TENM4: variants seen among roughly 807,000 people sequenced by gnomAD.
TENM4 encodes the protein teneurin transmembrane protein 4.
Under a neutral mutation model 243.3 loss-of-function variants are expected in TENM4, and 82 were observed. The observed-to-expected ratio is 0.34, with a 90% CI of 0.28 to 0.40. The LOEUF is 0.40. Ranked by LOEUF, TENM4 falls within the 10% of genes least tolerant of loss-of-function variation. TENM4 has a pLI of 1.00. For synonymous variants in TENM4, 1,412 were observed against 1,456.3 expected, an observed-to-expected ratio of 0.97 and a Z score of 0.69; for missense variants, 3,138 against 3,673.3, an observed-to-expected ratio of 0.85 and a Z score of 3.77.
intron 4 of TENM4, among the ~76,000 whole-genome samples, chr11:79,123,599 CTTTT>C (rs35553883): frequency 7.0e-6 from 1 of 143,750 alleles, no homozygotes. Flanking sequence ...GCAGTAGCCC[CTTTT>C]TTTTTTTTTT....
intron 6 of TENM4, among the ~76,000 whole-genome samples, chr11:78,994,807 A>G (rs1858131289): frequency 6.6e-6 from 1 of 152,216 alleles, no homozygotes; most frequent in Non-Finnish European, 1.5e-5. Context: ...TTTTGTGGTG[A>G]ATAAGACAAA....
At chr11:79,164,558 ATATATAC>A (rs1426615508) in intron 3 of TENM4, among the ~76,000 whole-genome samples, 18 of 143,612 alleles carry the variant, frequency 1.3e-4, no homozygotes, top group African/African-American at 4.4e-4. Flanking sequence ...TCTATATACT[ATATATAC>A]TATATACTAT....
At chr11:79,010,902 G>T (rs939310951) in intron 6 of TENM4, among the ~76,000 whole-genome samples, 1 of 152,160 alleles carries the variant, frequency 6.6e-6, no homozygotes, top group Non-Finnish European at 1.5e-5. Flanking sequence ...AAGAAGACAG[G>T]CTTTAGAGTC....
intron 3 of TENM4, among the ~76,000 whole-genome samples, chr11:79,166,813 A>C (rs1262431577): frequency 6.6e-6 from 1 of 152,232 alleles, no homozygotes; most frequent in Non-Finnish European, 1.5e-5. Flanking sequence ...TTTGCCAGGC[A>C]GAAAACAGCT....
At position 78,899,558 on chromosome 11, in the gene TENM4, G is replaced by A. The variant is rs1285626385; in HGVS notation, c.749+3710C>T. 8.5e-3 allele frequency among the ~76,000 whole-genome samples: 845 copies of A among 99,982 alleles called. 14 individuals are homozygous for A. The highest frequency in any genetic ancestry group is 0.04 in the African/African-American group (828 of 20,496). 65.6% of individuals were successfully genotyped at this position (99,982 alleles called of 152,430 possible). ...ATGCCACTGCACTCTGTCTCAAAAA[G>A]CGGGGGGGGGGGGAAAAAGAAAAAA... On this transcript the variant is annotated intron_variant, in intron 7 of 33. Coordinates refer to ENST00000278550, the MANE Select transcript of TENM4 (RefSeq NM_001098816.3).
At chr11:78,955,743 C>G (rs182610137) in intron 6 of TENM4, among the ~76,000 whole-genome samples, 11 of 152,100 alleles carry the variant, frequency 7.2e-5, no homozygotes, top group African/African-American at 2.4e-4. Flanking sequence ...CAGGAAGAAG[C>G]CTTACCTCCT....
At chr11:79,433,983 C>T (rs549111845) in intron 1 of TENM4, among the ~76,000 whole-genome samples, 2 of 152,308 alleles carry the variant, frequency 1.3e-5, no homozygotes, top group African/African-American at 4.8e-5. Context: ...CCTCATGTCT[C>T]CTGCTGAGCA....
chr11:79,112,951 C>A (rs1861538104), intron 4 of TENM4, among the ~76,000 whole-genome samples: 1 of 152,190 alleles, frequency 6.6e-6, no homozygotes, highest in Non-Finnish European at 1.5e-5. Flanking sequence ...GTTCTCACTT[C>A]CATCAAGCAC....
chr11:79,143,964 A>G (rs1862344904), intron 4 of TENM4, among the ~76,000 whole-genome samples: 1 of 152,020 alleles, frequency 6.6e-6, no homozygotes, highest in South Asian at 2.1e-4. Flanking sequence ...CATCAAGTTG[A>G]AAAGCCTCTG....
intron 9 of TENM4, among the ~76,000 whole-genome samples, chr11:78,868,798 TAG>T (rs1226709938): frequency 1.3e-5 from 2 of 152,166 alleles, no homozygotes; most frequent in East Asian, 3.9e-4. Flanking sequence ...AGGGAGTGAC[TAG>T]ACACGGTTAT....
intron 1 of TENM4, among the ~76,000 whole-genome samples, chr11:79,301,550 A>T (rs1203746173): frequency 6.6e-6 from 1 of 152,154 alleles, no homozygotes; most frequent in Non-Finnish European, 1.5e-5. Context: ...CACATCTCAC[A>T]ACTGTACTTA....
intron 2 of TENM4, among the ~76,000 whole-genome samples, chr11:79,220,101 G>A (rs924029579): frequency 5.9e-5 from 9 of 152,246 alleles, no homozygotes; most frequent in African/African-American, 9.6e-5. Context: ...GAATGTCAGT[G>A]AGAAACTCAG....
rs1211481037 is a variant in TENM4 at position 78,655,514 on chromosome 11, GA to G, written c.*2543del. 7.0e-5 allele frequency: 10 copies of G among 143,868 alleles called. No homozygotes were observed. Among genetic ancestry groups the G allele is most frequent in the Admixed American group, 1.4e-4 (2 of 14,238 alleles). 8.9% of individuals were successfully genotyped at this position (143,868 alleles called of 1,614,324 possible). ...CAACATAGTGAGACCCCATCTCTAT[GA>G]AAAAAAAAAGAAAGAAAGAAAAAAA... On this transcript the variant is annotated 3_prime_UTR_variant, in exon 34 of 34. Coordinates refer to ENST00000278550, the MANE Select transcript of TENM4 (RefSeq NM_001098816.3).
chr11:78,983,681 T>C (rs1032220643), intron 6 of TENM4, among the ~76,000 whole-genome samples: 2 of 152,056 alleles, frequency 1.3e-5, no homozygotes, highest in Admixed American at 1.3e-4. Flanking sequence ...CCCCAGGGCA[T>C]GCCTACCAAC....
chr11:79,322,206 C>T (rs1299304274), intron 1 of TENM4, among the ~76,000 whole-genome samples: 3 of 152,128 alleles, frequency 2.0e-5, no homozygotes, highest in African/African-American at 7.2e-5. Context: ...CTCTTCCCTT[C>T]AGCTTTTTCA....
At chr11:78,923,546 T>G (rs1856491926) in intron 6 of TENM4, among the ~76,000 whole-genome samples, 1 of 152,108 alleles carries the variant, frequency 6.6e-6, no homozygotes, top group Non-Finnish European at 1.5e-5. Flanking sequence ...TATTTTTATT[T>G]TTATTTTTTG....
At chr11:79,140,282 C>G (rs565895390) in intron 4 of TENM4, among the ~76,000 whole-genome samples, 2 of 152,118 alleles carry the variant, frequency 1.3e-5, no homozygotes, top group Admixed American at 1.3e-4. Context: ...GATTTGAAAC[C>G]TTCTTTGAAG....
intron 1 of TENM4, among the ~76,000 whole-genome samples, chr11:79,439,841 C>A (rs1859361450): frequency 6.6e-6 from 1 of 152,192 alleles, no homozygotes; most frequent in South Asian, 2.1e-4. Flanking sequence ...CAGTCACACT[C>A]ACACCCGGGA....
intron 18 of TENM4, among the ~76,000 whole-genome samples, chr11:78,759,454 G>A (rs1467801167): frequency 6.6e-6 from 1 of 152,192 alleles, no homozygotes; most frequent in African/African-American, 2.4e-5. Context: ...TTGAAGGGCC[G>A]TGAAAAGTCA....
Sources: allele counts gnomAD v4.1 joint callset (sites outside exome capture counted in the v4.1 genomes callset), GRCh38; gene constraint gnomAD v4.1.1; transcripts MANE v1.5; gene names NCBI Gene and HGNC (gene_info 2026-07-23, HGNC 2026-07-21).